CAMKMT: variants seen among roughly 807,000 people sequenced by gnomAD.
CAMKMT encodes the protein calmodulin-lysine N-methyltransferase.
In CAMKMT, 53 loss-of-function variants were observed where a neutral mutation model predicts 48.0. The ratio of observed to expected loss-of-function variants is 1.10; its 90% CI spans 0.89 to 1.39. CAMKMT has a LOEUF of 1.39. Ranked by LOEUF, CAMKMT falls within the 40% of genes most tolerant of loss-of-function variation. The pLI is 0.00. For synonymous variants in CAMKMT, 165 were observed against 152.3 expected, an observed-to-expected ratio of 1.08 and a Z score of -0.61; for missense variants, 428 against 402.7, an observed-to-expected ratio of 1.06 and a Z score of -0.54.
chr2:44,638,382 T>C (rs1673261805), intron 3 of CAMKMT, among the ~76,000 whole-genome samples: 1 of 152,208 alleles, frequency 6.6e-6, no homozygotes, highest in South Asian at 2.1e-4. Flanking sequence ...ACCTTCCCTT[T>C]ACTGCAGGCA....
At chr2:44,391,470 ATATTTT>A (rs1212775057) in intron 3 of CAMKMT, among the ~76,000 whole-genome samples, 1 of 152,050 alleles carries the variant, frequency 6.6e-6, no homozygotes, top group Non-Finnish European at 1.5e-5. Flanking sequence ...GGTGTATCTC[ATATTTT>A]TATTAGGTCT....
chr2:44,442,632 G>A (rs555469344), intron 3 of CAMKMT, among the ~76,000 whole-genome samples: 3 of 152,122 alleles, frequency 2.0e-5, no homozygotes, highest in Non-Finnish European at 2.9e-5. Flanking sequence ...TTCTCTGACC[G>A]ACTTCTACTG....
At position 44,666,696 on chromosome 2, in the gene CAMKMT, C is replaced by T. The variant is rs191959225; in HGVS notation, c.377-37587C>T. 4.1e-3 allele frequency among the ~76,000 whole-genome samples: 615 copies of T among 151,726 alleles called. 6 individuals carry two copies. The highest frequency in any genetic ancestry group is 6.5e-3 in the South Asian group (31 of 4,804). The stretch of plus-strand genomic sequence containing the variant: ...GCACAGTCTCGGCTCACTGAGCCTC[C>T]GCCTCCTGGGTTCAAGGGATTCTCC... On this transcript the variant is annotated intron_variant, in intron 3 of 10. Transcript: ENST00000378494.
intron 3 of CAMKMT, among the ~76,000 whole-genome samples, chr2:44,445,594 G>A (rs140681201): frequency 6.8e-6 from 1 of 147,218 alleles, no homozygotes; most frequent in East Asian, 2.1e-4. Context: ...CCTTAAACTG[G>A]TTGGCTTAGG....
At chr2:44,703,381 C>A (rs1194260363) in intron 3 of CAMKMT, among the ~76,000 whole-genome samples, 1 of 152,040 alleles carries the variant, frequency 6.6e-6, no homozygotes, top group East Asian at 1.9e-4. Flanking sequence ...TCCATCCATG[C>A]AATTTAGCAG....
intron 3 of CAMKMT, among the ~76,000 whole-genome samples, chr2:44,511,706 C>A (rs1462700912): frequency 6.6e-6 from 1 of 152,208 alleles, no homozygotes; most frequent in Non-Finnish European, 1.5e-5. Context: ...GCTGAGAGAT[C>A]TGCCTCCTAA....
intron 5 of CAMKMT, among the ~76,000 whole-genome samples, chr2:44,706,809 C>G (rs1677591132): frequency 6.6e-6 from 1 of 152,008 alleles, no homozygotes; most frequent in Admixed American, 6.6e-5. Flanking sequence ...TCCCCATTCT[C>G]TGGGTTCTGA....
At chr2:44,368,645 A>T (rs972857363) in intron 1 of CAMKMT, among the ~76,000 whole-genome samples, 4 of 152,188 alleles carry the variant, frequency 2.6e-5, no homozygotes, top group Admixed American at 2.6e-4. Context: ...CATTACCTTG[A>T]CATCAGAGTA....
At chr2:44,513,069 G>T (rs1174940341) in intron 3 of CAMKMT, among the ~76,000 whole-genome samples, 1 of 152,164 alleles carries the variant, frequency 6.6e-6, no homozygotes, top group Non-Finnish European at 1.5e-5. Context: ...TCTGATGAGT[G>T]CTTTGGTAAT....
chr2:44,610,606 A>C (rs1671543374), intron 3 of CAMKMT, among the ~76,000 whole-genome samples: 1 of 152,236 alleles, frequency 6.6e-6, no homozygotes, highest in Non-Finnish European at 1.5e-5. Flanking sequence ...CATTTGCAAC[A>C]TATTTGCCAA....
At chr2:44,464,683 G>C (rs1280314104) in intron 3 of CAMKMT, among the ~76,000 whole-genome samples, 1 of 152,036 alleles carries the variant, frequency 6.6e-6, no homozygotes, top group African/African-American at 2.4e-5. Context: ...TATACTAAAA[G>C]TGCTGAAAGA....
intron 2 of CAMKMT, among the ~76,000 whole-genome samples, chr2:44,386,093 C>T (rs1680753895): frequency 6.6e-6 from 1 of 152,064 alleles, no homozygotes; most frequent in African/African-American, 2.4e-5. Context: ...TGCTGTGAAT[C>T]CATCTGGTCC....
chr2:44,705,305 T>A (rs1263853104), intron 4 of CAMKMT: 1 of 982,160 alleles, frequency 1.0e-6, no homozygotes, highest in Non-Finnish European at 1.2e-6. Flanking sequence ...TTTGCTTTTT[T>A]TCTCCTCTTG....
At chr2:44,508,191 A>G (rs1000132928) in intron 3 of CAMKMT, among the ~76,000 whole-genome samples, 2 of 152,202 alleles carry the variant, frequency 1.3e-5, no homozygotes, top group Non-Finnish European at 2.9e-5. Flanking sequence ...TAGTGTATCA[A>G]TTGTGATTGA....
At chr2:44,670,212 C>G (rs1178050626) in intron 3 of CAMKMT, among the ~76,000 whole-genome samples, 2 of 152,192 alleles carry the variant, frequency 1.3e-5, no homozygotes, top group African/African-American at 2.4e-5. Flanking sequence ...ATTTCTTGAA[C>G]TATAAGAAAT....
intron 3 of CAMKMT, among the ~76,000 whole-genome samples, chr2:44,538,807 C>G: frequency 6.6e-6 from 1 of 152,064 alleles, no homozygotes; most frequent in East Asian, 1.9e-4. Flanking sequence ...GCTTCAAACC[C>G]AAGGAAAAGT....
At chr2:44,667,663 C>A (rs1020109442) in intron 3 of CAMKMT, among the ~76,000 whole-genome samples, 1 of 151,990 alleles carries the variant, frequency 6.6e-6, no homozygotes, top group African/African-American at 2.4e-5. Flanking sequence ...TAGCTACCTA[C>A]CCCCGCAGTC....
At chr2:44,455,575 A>C (rs763158781) in intron 3 of CAMKMT, among the ~76,000 whole-genome samples, 1 of 152,196 alleles carries the variant, frequency 6.6e-6, no homozygotes, top group Non-Finnish European at 1.5e-5. Context: ...GTGTCTTGAG[A>C]GTCAAAATTG....
At chr2:44,445,852 G>T (rs1666965527) in intron 3 of CAMKMT, among the ~76,000 whole-genome samples, 1 of 151,476 alleles carries the variant, frequency 6.6e-6, no homozygotes, top group Non-Finnish European at 1.5e-5. Context: ...AACTCCAAAT[G>T]GTCATGCAAC....
Sources: allele counts gnomAD v4.1 joint callset (sites outside exome capture counted in the v4.1 genomes callset), GRCh38; gene constraint gnomAD v4.1.1; transcripts MANE v1.5; gene names NCBI Gene and HGNC (gene_info 2026-07-23, HGNC 2026-07-21).